HSPG2: variants seen among roughly 807,000 people sequenced by gnomAD.
HSPG2 encodes the protein basement membrane-specific heparan sulfate proteoglycan core protein.
In HSPG2, 278 loss-of-function variants were observed where a neutral mutation model predicts 526.6. The observed-to-expected ratio is 0.53, with a 90% CI of 0.48 to 0.58. The LOEUF is 0.58. Among genes scored for constraint, HSPG2 ranks in the 20% least tolerant of loss-of-function variants. HSPG2 has a pLI of 0.00. For missense variants in HSPG2, 5,354 were observed against 6,099.5 expected (o/e 0.88, Z 4.07); for synonymous variants, 2,465 against 2,555.4 (o/e 0.96, Z 1.07).
Position 21,865,599 on chromosome 1 carries a change from C to T in HSPG2, c.4314+118G>A, listed in dbSNP as rs186797783. On this transcript the variant is annotated intron_variant, in intron 34 of 96. Coordinates refer to ENST00000374695, the MANE Select transcript of HSPG2 (RefSeq NM_005529.7). The surrounding 1 kb of genome is among the most constrained non-coding windows in gnomAD (Gnocchi z 5.4). ...GGATGTGGGGGCATGGGCCTAACTCCCCCAGCCTGTGCCAGAAAACTGAGT... is the reference window on the plus strand; with the variant it reads ...GGATGTGGGGGCATGGGCCTAACTCTCCCAGCCTGTGCCAGAAAACTGAGT... 65 of 979,800 alleles carry T rather than the reference C, an allele frequency of 6.6e-5. No homozygotes were observed. The East Asian group carries it at 1.5e-3, about 22-fold the overall frequency. The allele number at this position is 979,800 out of a possible 1,614,324, so 60.7% of individuals were successfully genotyped here.
Position 21,937,218 on chromosome 1 carries a change from G to T in HSPG2, c.-1C>A. 9.9e-7 allele frequency: 1 copy of T among 1,009,646 alleles called. No individual in the cohort carries two copies. The allele number at this position is 1,009,646 out of a possible 1,614,324, so 62.5% of individuals were successfully genotyped here. A position where few individuals can be genotyped will look rare whatever the true frequency, so the allele number is the denominator to read the frequency against. On this transcript the variant is annotated 5_prime_UTR_variant, in exon 1 of 97. Transcript: ENST00000374695. ...GCGCGCCCGCCGCCCGCCACCCCAT[G>T]GCCCGGCCCGCGCCGCTCTCTCGCT...
At chr1:21,833,749 A>G (rs2098014726) in intron 78 of HSPG2, 67 bp downstream of exon 78, 3 of 1,517,426 alleles carry the variant, frequency 2.0e-6, no homozygotes, top group Middle Eastern at 1.8e-4. Context: ...TCCTGGGGAC[A>G]CTGAGACGCT....
At chr1:21,837,092 C>A (rs2098029451) in intron 74 of HSPG2, 86 bp from the exon 75 acceptor site, 3 of 1,258,460 alleles carry the variant, frequency 2.4e-6, no homozygotes, top group Admixed American at 4.0e-5. Flanking sequence ...ACCCCCAGCC[C>A]AACATTCAAG....
chr1:21,843,227 G>A (rs560432476), intron 66 of HSPG2, 70 bp downstream of exon 66: 16 of 1,598,138 alleles, frequency 1.0e-5, no homozygotes, highest in African/African-American at 2.7e-5. Flanking sequence ...TGGGAGAGAG[G>A]AGAGGAGCAG....
chr1:21,907,298 G>A (rs1435244236), intron 1 of HSPG2, among the ~76,000 whole-genome samples: 4 of 152,158 alleles, frequency 2.6e-5, no homozygotes, highest in Non-Finnish European at 5.9e-5. Context: ...TGCAGGTAAG[G>A]GGGTGCTGGT....
chr1:21,826,167 G>A (rs1289053218), intron 91 of HSPG2, among the ~76,000 whole-genome samples: 2 of 151,934 alleles, frequency 1.3e-5, no homozygotes, highest in Admixed American at 1.3e-4. Flanking sequence ...CTACAGCCTC[G>A]ACCTCCTGGG....
At chr1:21,875,839 C>T in intron 24 of HSPG2, 24 bp downstream of exon 24, 1 of 1,597,060 alleles carries the variant, frequency 6.3e-7, no homozygotes, top group Non-Finnish European at 8.5e-7. Context: ...CGCACCCCTA[C>T]CCCCAGGGGA....
rs770110883 is a variant in HSPG2, at chr1:21,890,383, AC to A, written c.413+43del. 5.7e-6 allele frequency: 9 copies of A among 1,583,074 alleles called. No homozygotes were observed. The East Asian group carries it at 2.0e-4, about 35-fold the overall frequency. The stretch of plus-strand genomic sequence containing the variant: ...CATCCTCATCAGCCCCCTCCAGGTT[AC>A]CCGCTCAAGTCCCCCAGCAGCCCCC... On this transcript the variant is annotated intron_variant, in intron 5 of 96. Coordinates refer to ENST00000374695, the MANE Select transcript of HSPG2 (RefSeq NM_005529.7). The surrounding 1 kb of genome is among the most constrained non-coding windows in gnomAD (Gnocchi z 4.1).
At position 21,829,200 on chromosome 1, in the gene HSPG2, A is replaced by G. The variant is rs536022759; in HGVS notation, c.11993-121T>C. On this transcript the variant is annotated intron_variant, in intron 87 of 96. Coordinates refer to ENST00000374695, the MANE Select transcript of HSPG2 (RefSeq NM_005529.7). Reference sequence around the variant, plus strand: ...CCTACAGCCTTCTGTATTCCAGATGAGGAGCCCATGGCTCAGAGAGGGCTA... The same window carrying G: ...CCTACAGCCTTCTGTATTCCAGATGGGGAGCCCATGGCTCAGAGAGGGCTA... 6.4e-4 allele frequency: 911 copies of G among 1,432,658 alleles called. 7 individuals carry two copies. The South Asian group carries it at 9.9e-3, about 16-fold the overall frequency. The allele number at this position is 1,432,658 out of a possible 1,614,324, so 88.7% of individuals were successfully genotyped here. A position where few individuals can be genotyped will look rare whatever the true frequency, so the allele number is the denominator to read the frequency against.
At position 21,872,320 on chromosome 1, in the gene HSPG2, G is replaced by A. The variant is rs1192664145; in HGVS notation, c.4087C>T (p.Arg1363Ter). The A allele has an allele frequency of 5.7e-6, 9 of 1,577,738 alleles. No individual in the cohort carries two copies. The highest frequency in any genetic ancestry group is 2.3e-5 in the East Asian group (1 of 42,752). ...FQGFALVNPQRNSRLTGEFTV... is the reference protein window; with the variant it reads ...FQGFALVNPQ ...AATTCTCCTGTCAGGCGGCTGTTTC[G>A]CTGTGGGTTCACCAGGGCAAAGCCT... The change falls in exon 33 of 97, where the codon CGA becomes TGA. Residue 1363 changes from arginine to a stop codon, truncating the protein, a stop_gained. Transcript: ENST00000374695. LOFTEE classifies it high-confidence loss of function. The surrounding 1 kb of genome is among the most constrained non-coding windows in gnomAD (Gnocchi z 5.5).
chr1:21,835,645 GA>G lies in HSPG2; in HGVS notation c.10356-9del. Reference sequence around the variant, plus strand: ...TGGTCCAAGTTCTGGATTCTATAAAGAAAAAATAATAAGACATCAGGGAGTT... The same window carrying G: ...TGGTCCAAGTTCTGGATTCTATAAAGAAAAATAATAAGACATCAGGGAGTT... On this transcript the variant is annotated splice_polypyrimidine_tract_variant and intron_variant, in intron 75 of 96. Transcript: ENST00000374695. The G allele has an allele frequency of 1.2e-6, 2 of 1,602,192 alleles. No homozygotes were observed. Among genetic ancestry groups the G allele is most frequent in the Non-Finnish European group, 1.7e-6 (2 of 1,169,308 alleles).
rs1245346025 is a variant in HSPG2 at position 21,824,052 on chromosome 1, T to C, written c.12899+69A>G. ...AGCTCAATACCTGCCTCTCTGCCCA[T>C]GGTAGGGGGCGTCCTGCCCCACTCC... On this transcript the variant is annotated intron_variant, in intron 95 of 96. Transcript: ENST00000374695. The surrounding 1 kb of genome is among the most constrained non-coding windows in gnomAD (Gnocchi z 5.9). The C allele has an allele frequency of 5.0e-6, 7 of 1,403,964 alleles. No homozygotes were observed. The highest frequency in any genetic ancestry group is 2.4e-5 in the East Asian group (1 of 42,388). 87.0% of individuals were successfully genotyped at this position (1,403,964 alleles called of 1,614,324 possible).
chr1:21,896,017 C>T (rs1557803846), intron 2 of HSPG2, 51 bp from the exon 3 acceptor site: 1 of 1,600,362 alleles, frequency 6.2e-7, no homozygotes, highest in East Asian at 2.2e-5. Context: ...TTGTTGAGTA[C>T]CTACTGGGTG....
intron 37 of HSPG2, among the ~76,000 whole-genome samples, 199 bp from the exon 38 acceptor site, chr1:21,862,314 T>C (rs1283124424): frequency 6.6e-6 from 1 of 152,216 alleles, no homozygotes; most frequent in Non-Finnish European, 1.5e-5. Context: ...CTGGGCACAG[T>C]GACTCATGCC....
At chr1:21,853,812 C>A in intron 50 of HSPG2, 2 of 227,702 alleles carry the variant, frequency 8.8e-6, no homozygotes, top group South Asian at 1.1e-4. Context: ...AAAAACCACA[C>A]CATGACCAAG....
intron 13 of HSPG2, among the ~76,000 whole-genome samples, chr1:21,883,735 A>G (rs934808100): frequency 6.6e-6 from 1 of 152,254 alleles, no homozygotes; most frequent in Non-Finnish European, 1.5e-5. Context: ...ATCCTCTGCA[A>G]CGAAGAAGTG....
rs377063208 is a variant in HSPG2 at position 21,890,705 on chromosome 1, G to A, written c.245-11C>T. 157 of 1,597,402 alleles carry A rather than the reference G, an allele frequency of 9.8e-5. No homozygotes were observed. Among genetic ancestry groups the A allele is most frequent in the Non-Finnish European group, 1.3e-4 (149 of 1,165,852 alleles). On this transcript the variant is annotated splice_polypyrimidine_tract_variant and intron_variant, in intron 3 of 96. Coordinates refer to ENST00000374695, the MANE Select transcript of HSPG2 (RefSeq NM_005529.7). The surrounding 1 kb of genome is among the most constrained non-coding windows in gnomAD (Gnocchi z 4.1). ...GGGCTCGGAAATAAACTGGAAAATC[G>A]AAGGAGGATCATTTTGAGAGCCCCA...
Position 21,835,463 on chromosome 1 carries a change from G to A in HSPG2, c.10453+77C>T, listed in dbSNP as rs549078724. 142 of 925,146 alleles carry A rather than the reference G, an allele frequency of 1.5e-4. 4 individuals are homozygous for A. The Middle Eastern group carries it at 6.5e-3, about 43-fold the overall frequency. The allele number at this position is 925,146 out of a possible 1,614,324, so 57.3% of individuals were successfully genotyped here. ...ATTTAGGGGGATTCCTAGGGAACAGGGTCTGGGCCTTGTGCCTCTCTGCCT... is the reference window on the plus strand; with the variant it reads ...ATTTAGGGGGATTCCTAGGGAACAGAGTCTGGGCCTTGTGCCTCTCTGCCT... On this transcript the variant is annotated intron_variant, in intron 76 of 96. Transcript: ENST00000374695.
rs1246529366 is a variant in HSPG2, at chr1:21,861,848, G to T, written c.4869-5C>A. ...CTCTCACAGGTGCGGGAAAACCTGG[G>T]ATCGGGGAGGCAAAGGTCAGGTCAT... On this transcript the variant is annotated splice_region_variant and splice_polypyrimidine_tract_variant and intron_variant, in intron 38 of 96. Transcript: ENST00000374695. The T allele has an allele frequency of 1.9e-6, 3 of 1,613,630 alleles. No homozygotes were observed. Among genetic ancestry groups the T allele is most frequent in the East Asian group, 2.2e-5 (1 of 44,886 alleles).
Sources: gnomAD v4.1 joint callset for allele counts (sites outside exome capture counted in the v4.1 genomes callset) on GRCh38, gnomAD v4.1.1 for gene constraint, Gnocchi (gnomAD v3.1) non-coding constraint, MANE v1.5 for transcripts, NCBI Gene and HGNC (gene_info 2026-07-23, HGNC 2026-07-21) for gene names.